SKAP1: variants seen among roughly 807,000 people sequenced by gnomAD.
SKAP1 encodes the protein src kinase associated phosphoprotein 1.
SKAP1 carries 44 observed loss-of-function variants against 58.5 expected under a neutral mutation model. That is an observed-to-expected ratio of 0.75 (90% CI 0.59 to 0.97). SKAP1 has a LOEUF of 0.97. SKAP1 is among the 50% of genes least tolerant of loss of function. The pLI is 0.00. For missense variants in SKAP1, 390 were observed against 435.2 expected, an observed-to-expected ratio of 0.90 and a Z score of 0.92; for synonymous variants, 127 against 149.7, an observed-to-expected ratio of 0.85 and a Z score of 1.11.
rs181416289 is a variant in SKAP1, at chr17:48,398,270, G to A, written c.47-1485C>T. ...CAGTGGCAGCATTAGATCCTTATAG[G>A]AGCACAAACCCTATTGTGAACTGTG... On this transcript the variant is annotated intron_variant, in intron 1 of 12. Coordinates refer to ENST00000336915, the MANE Select transcript of SKAP1 (RefSeq NM_003726.4). 1.6e-3 allele frequency among the ~76,000 whole-genome samples: 238 copies of A among 152,132 alleles called. 2 individuals are homozygous for A. The highest frequency in any genetic ancestry group is 5.6e-3 in the African/African-American group (231 of 41,490).
intron 4 of SKAP1, among the ~76,000 whole-genome samples, chr17:48,273,805 C>T (rs1282224732): frequency 6.6e-6 from 1 of 152,156 alleles, no homozygotes; most frequent in Non-Finnish European, 1.5e-5. Flanking sequence ...ATAATTGTCA[C>T]CTGCAGCTTG....
intron 6 of SKAP1, among the ~76,000 whole-genome samples, chr17:48,186,503 T>C (rs1032756167): frequency 6.6e-6 from 1 of 151,832 alleles, no homozygotes. Context: ...TATTTATGGT[T>C]GAGACAGAGT....
intron 12 of SKAP1, among the ~76,000 whole-genome samples, chr17:48,134,376 T>C (rs2063673276): frequency 1.3e-5 from 2 of 152,344 alleles, no homozygotes; most frequent in South Asian, 2.1e-4. Context: ...TGGAGTACAG[T>C]GGCTTGATCT....
chr17:48,430,089 C>G lies in SKAP1; in HGVS notation c.32G>C (p.Arg11Pro), dbSNP rs1387810311. Residue 11 changes from arginine to proline, a missense_variant, in exon 1 of 13, where the codon CGT becomes CCT. Arg to Pro is a moderately radical substitution (Grantham distance 103). Transcript: ENST00000336915. ...CAGGGCGTTACCTTCCAGGAGCCAA[C>G]GGATCTCCTCAGGGAGGGCGGCGGC... MQAAALPEEI[R>P]WLLEDAEEFL... 1 of 1,266,264 alleles carries G rather than the reference C, an allele frequency of 7.9e-7. No individual in the cohort carries two copies. The highest frequency in any genetic ancestry group is 1.5e-5 in the African/African-American group (1 of 65,342). The allele number at this position is 1,266,264 out of a possible 1,614,324, so 78.4% of individuals were successfully genotyped here. A position where few individuals can be genotyped will look rare whatever the true frequency, so the allele number is the denominator to read the frequency against.
At chr17:48,380,437 A>C (rs1460721244) in intron 2 of SKAP1, 2 of 152,184 alleles carry the variant, frequency 1.3e-5, no homozygotes, top group African/African-American at 4.8e-5. Flanking sequence ...TACCTCAAAA[A>C]CAAAAAACAA....
chr17:48,205,804 C>A (rs1160495638), intron 4 of SKAP1, among the ~76,000 whole-genome samples: 1 of 152,098 alleles, frequency 6.6e-6, no homozygotes, highest in African/African-American at 2.4e-5. Context: ...TTCTCACACC[C>A]AAACTAACAG....
rs778733281 is a variant in SKAP1 at position 48,356,283 on chromosome 17, A to AATAG, written c.178+7502_178+7505dup. 2.8e-3 allele frequency among the ~76,000 whole-genome samples: 433 copies of AATAG among 152,168 alleles called. 1 individual carries two copies. Among genetic ancestry groups the AATAG allele is most frequent in the African/African-American group, 7.6e-3 (317 of 41,510 alleles). On this transcript the variant is annotated intron_variant, in intron 3 of 12. Transcript: ENST00000336915. Reference sequence around the variant, plus strand: ...AAAAACTAAAATAAATAAATAAATAAATAGATAGATAGATAGATGAAAACT... The same window carrying AATAG: ...AAAAACTAAAATAAATAAATAAATAAATAGATAGATAGATAGATAGATGAAAACT...
At chr17:48,276,155 C>T (rs957752612) in intron 4 of SKAP1, among the ~76,000 whole-genome samples, 16 of 152,208 alleles carry the variant, frequency 1.1e-4, no homozygotes, top group East Asian at 1.9e-4. Flanking sequence ...CACAACTAAC[C>T]GTAATCTACC....
chr17:48,187,618 G>A (rs1318577011), intron 6 of SKAP1, among the ~76,000 whole-genome samples: 2 of 152,024 alleles, frequency 1.3e-5, no homozygotes, highest in Admixed American at 1.3e-4. Context: ...ACCATTTGAT[G>A]TGCTGACCAC....
chr17:48,337,617 A>T (rs2066591339), intron 4 of SKAP1, among the ~76,000 whole-genome samples: 1 of 152,240 alleles, frequency 6.6e-6, no homozygotes, highest in South Asian at 2.1e-4. Flanking sequence ...TTCTATGTCA[A>T]ATCAATTCAG....
intron 4 of SKAP1, among the ~76,000 whole-genome samples, chr17:48,249,830 A>AG (rs1385359223): frequency 6.6e-6 from 1 of 152,114 alleles, no homozygotes; most frequent in Non-Finnish European, 1.5e-5. Flanking sequence ...CCTATCTGGG[A>AG]GGGCACAGAG....
chr17:48,207,988 G>T (rs1268541410), intron 4 of SKAP1, among the ~76,000 whole-genome samples: 2 of 152,186 alleles, frequency 1.3e-5, no homozygotes, highest in Non-Finnish European at 2.9e-5. Context: ...AATTTATAGG[G>T]TTGGAAAAGT....
intron 8 of SKAP1, 107 bp from the exon 9 acceptor site, chr17:48,180,355 A>G: frequency 2.5e-6 from 2 of 802,734 alleles, no homozygotes; most frequent in Non-Finnish European, 3.8e-6. Context: ...AATATGTCAA[A>G]TGAAAATGAA....
At chr17:48,338,048 CCTT>C (rs760641618) in intron 4 of SKAP1, among the ~76,000 whole-genome samples, 30 of 149,720 alleles carry the variant, frequency 2.0e-4, no homozygotes, top group Non-Finnish European at 3.6e-4. Flanking sequence ...TTCCTTCCTT[CCTT>C]CTTCACTTAG....
At chr17:48,369,016 G>T (rs774259580) in intron 2 of SKAP1, among the ~76,000 whole-genome samples, 1 of 152,016 alleles carries the variant, frequency 6.6e-6, no homozygotes, top group Non-Finnish European at 1.5e-5. Flanking sequence ...GCGTAGTGGC[G>T]CATGCCTGTA....
intron 4 of SKAP1, among the ~76,000 whole-genome samples, chr17:48,259,476 T>C (rs1044041346): frequency 2.3e-4 from 35 of 152,274 alleles, no homozygotes; most frequent in African/African-American, 8.4e-4. Context: ...GTCTGCCTTT[T>C]ACAATGTGTT....
chr17:48,242,964 A>T (rs908125023), intron 4 of SKAP1, among the ~76,000 whole-genome samples: 1 of 152,058 alleles, frequency 6.6e-6, no homozygotes, highest in Non-Finnish European at 1.5e-5. Context: ...TCAAGAATCA[A>T]CTCTTGGCAT....
intron 2 of SKAP1, 132 bp downstream of exon 2, chr17:48,396,548 G>A: frequency 1.8e-6 from 1 of 540,612 alleles, no homozygotes; most frequent in Non-Finnish European, 3.2e-6. Context: ...GTTCAATTCA[G>A]TAAATATTTA....
At chr17:48,402,975 T>G (rs2067519852) in intron 1 of SKAP1, among the ~76,000 whole-genome samples, 1 of 152,066 alleles carries the variant, frequency 6.6e-6, no homozygotes, top group African/African-American at 2.4e-5. Flanking sequence ...GTTCTAAAAT[T>G]TACTGTGGTG....
Sources: gnomAD v4.1 joint callset for allele counts (sites outside exome capture counted in the v4.1 genomes callset) on GRCh38, gnomAD v4.1.1 for gene constraint, MANE v1.5 for transcripts, NCBI Gene and HGNC (gene_info 2026-07-23, HGNC 2026-07-21) for gene names.